Variants in SPATS2L observed in about 807,000 individuals in gnomAD.
SPATS2L encodes spermatogenesis associated serine rich 2 like.
A neutral mutation model predicts 59.6 loss-of-function variants in SPATS2L; 30 were observed. That is an observed-to-expected ratio of 0.50 (90% confidence interval 0.38 to 0.68). SPATS2L has a LOEUF of 0.68. SPATS2L is among the 30% of genes least tolerant of loss of function. The pLI, the probability that SPATS2L is intolerant of heterozygous loss-of-function variation, is 0.00. For missense variants in SPATS2L, 615 were observed against 700.0 expected (o/e 0.88, Z 1.37); for synonymous variants, 252 against 263.5 (o/e 0.96, Z 0.42).
In SPATS2L at chr2:200,440,797, A is replaced by G. The variant is rs1189350029; in HGVS notation, c.788+13A>G. The G allele has an allele frequency of 3.1e-6, 5 of 1,611,394 alleles. No individual in the cohort carries two copies. In the Middle Eastern group the frequency reaches 5.0e-4, roughly 160 times the overall value. The stretch of plus-strand genomic sequence containing the variant: ...AATTACACAACTGGTGAGTGATTCA[A>G]CGTAGGAACCATAAATTTGTGATGC... On this transcript the variant is annotated intron_variant, in intron 8 of 12. Transcript: ENST00000409140.
intron 1 of SPATS2L, among the ~76,000 whole-genome samples, chr2:200,319,396 A>G (rs1339550505): frequency 6.6e-6 from 1 of 151,866 alleles, no homozygotes; most frequent in African/African-American, 2.4e-5. Flanking sequence ...AAAACCCCGT[A>G]TCTACTAAAA....
At chr2:200,389,341 A>G (rs2082098655) in intron 3 of SPATS2L, 58 bp downstream of exon 3, 1 of 1,292,438 alleles carries the variant, frequency 7.7e-7, no homozygotes, top group Non-Finnish European at 1.1e-6. Context: ...TGCAGTTCCT[A>G]GCAGGTAAAA....
At chr2:200,468,629 T>C (rs770835906) in intron 10 of SPATS2L, among the ~76,000 whole-genome samples, 3 of 152,182 alleles carry the variant, frequency 2.0e-5, no homozygotes, top group Non-Finnish European at 4.4e-5. Flanking sequence ...CTCTGGCCTT[T>C]GTGGCCTCCC....
chr2:200,479,290 TA>T lies in SPATS2L; in HGVS notation c.*1261del. ...TTGTGGCAAAGGGCCACCATGCTCT[TA>T]AGACTCAAGTCTATTTTCCACACTG... On this transcript the variant is annotated 3_prime_UTR_variant, in exon 13 of 13. Coordinates refer to ENST00000409140, the MANE Select transcript of SPATS2L (RefSeq NM_001100423.2). 1 of 341,942 alleles carries T rather than the reference TA, an allele frequency of 2.9e-6. No homozygotes were observed. The highest frequency in any genetic ancestry group is 5.3e-6 in the Non-Finnish European group (1 of 190,454). 21.2% of individuals were successfully genotyped at this position (341,942 alleles called of 1,614,324 possible). A position where few individuals can be genotyped will look rare whatever the true frequency, so the allele number is the denominator to read the frequency against.
intron 2 of SPATS2L, among the ~76,000 whole-genome samples, chr2:200,339,606 A>G (rs1449004814): frequency 6.6e-6 from 1 of 152,194 alleles, no homozygotes; most frequent in Non-Finnish European, 1.5e-5. Context: ...TTTGCTTTTT[A>G]TGTATAGTAT....
chr2:200,327,915 C>A (rs1380078751), intron 1 of SPATS2L, among the ~76,000 whole-genome samples: 1 of 152,050 alleles, frequency 6.6e-6, no homozygotes, highest in African/African-American at 2.4e-5. Flanking sequence ...GTCAAAATAG[C>A]CATTGGTATA....
At chr2:200,320,342 T>C (rs1256314663) in intron 1 of SPATS2L, among the ~76,000 whole-genome samples, 1 of 152,222 alleles carries the variant, frequency 6.6e-6, no homozygotes, top group East Asian at 1.9e-4. Context: ...TTTTAATGTA[T>C]CTAAGAGAAA....
At chr2:200,424,061 T>A (rs2083422453) in intron 6 of SPATS2L, among the ~76,000 whole-genome samples, 3 of 152,202 alleles carry the variant, frequency 2.0e-5, no homozygotes, top group Admixed American at 1.3e-4. Context: ...TTTAGGAGTA[T>A]GTTTTAAGCC....
At chr2:200,335,722 A>G (rs1438557335) in intron 2 of SPATS2L, among the ~76,000 whole-genome samples, 1 of 152,200 alleles carries the variant, frequency 6.6e-6, no homozygotes, top group East Asian at 1.9e-4. Context: ...AAAGTGGGAT[A>G]TGCACCCCAG....
At chr2:200,430,545 C>T (rs767393933) in intron 6 of SPATS2L, among the ~76,000 whole-genome samples, 9 of 151,764 alleles carry the variant, frequency 5.9e-5, no homozygotes, top group Non-Finnish European at 1.3e-4. Context: ...TGATATTAAA[C>T]GGCCTGTGAA....
rs921969862 is a variant in SPATS2L, at chr2:200,479,223, C to T, written c.*1192C>T. ...CGGCCAGCTCCCATCTCTTAATTAT[C>T]TTAGCTCTCCTTTCCTCCTTGGGTT... is the stretch of plus-strand genomic sequence containing the variant. On this transcript the variant is annotated 3_prime_UTR_variant, in exon 13 of 13. Transcript: ENST00000409140. The T allele has an allele frequency of 2.3e-5, 5 of 222,110 alleles. No individual in the cohort carries two copies. The highest frequency in any genetic ancestry group is 4.4e-5 in the Non-Finnish European group (5 of 113,912). 13.8% of individuals were successfully genotyped at this position (222,110 alleles called of 1,614,324 possible).
At chr2:200,335,930 G>T (rs1286597130) in intron 2 of SPATS2L, among the ~76,000 whole-genome samples, 1 of 152,198 alleles carries the variant, frequency 6.6e-6, no homozygotes, top group Non-Finnish European at 1.5e-5. Flanking sequence ...GAATGGGAGT[G>T]CCCAGCTCAG....
At chr2:200,428,696 T>G (rs994331119) in intron 6 of SPATS2L, among the ~76,000 whole-genome samples, 7 of 152,164 alleles carry the variant, frequency 4.6e-5, no homozygotes, top group African/African-American at 1.7e-4. Flanking sequence ...ACTCATCATC[T>G]CCCTTCCCAG....
At position 200,420,416 on chromosome 2, in the gene SPATS2L, T is replaced by C. The variant is rs138445913; in HGVS notation, c.445+920T>C. 4.0e-4 allele frequency among the ~76,000 whole-genome samples: 61 copies of C among 150,848 alleles called. 1 individual carries two copies. The East Asian group carries it at 0.011, about 26-fold the overall frequency. On this transcript the variant is annotated intron_variant, in intron 6 of 12. Coordinates refer to ENST00000409140, the MANE Select transcript of SPATS2L (RefSeq NM_001100423.2). ...GAGGCCAGATTTTTACACCCACTTA[T>C]AATGAATCACTTTGCAATTAAATGA...
At chr2:200,408,063 G>T (rs540338446) in intron 3 of SPATS2L, among the ~76,000 whole-genome samples, 1 of 152,296 alleles carries the variant, frequency 6.6e-6, no homozygotes, top group African/African-American at 2.4e-5. Context: ...AGCTATAAAG[G>T]AAAAGGGGCT....
At chr2:200,452,436 A>T (rs1047289770) in intron 8 of SPATS2L, among the ~76,000 whole-genome samples, 1 of 152,202 alleles carries the variant, frequency 6.6e-6, no homozygotes, top group Non-Finnish European at 1.5e-5. Context: ...AATATTACTA[A>T]TGTTGAGAGT....
At chr2:200,316,935 G>A (rs572418229) in intron 1 of SPATS2L, among the ~76,000 whole-genome samples, 48 of 152,274 alleles carry the variant, frequency 3.2e-4, no homozygotes, top group African/African-American at 1.1e-3. Context: ...AGTCCCGCTG[G>A]TCTCTGAGTC....
chr2:200,451,860 A>C (rs1425491537), intron 8 of SPATS2L, among the ~76,000 whole-genome samples: 4 of 150,878 alleles, frequency 2.7e-5, no homozygotes, highest in African/African-American at 9.7e-5. Flanking sequence ...GAAATACAAC[A>C]GTGATCAGAG....
chr2:200,430,773 A>G (rs1398989792), intron 6 of SPATS2L, among the ~76,000 whole-genome samples: 1 of 140,958 alleles, frequency 7.1e-6, no homozygotes, highest in Non-Finnish European at 1.5e-5. Context: ...GCTAGAGTGC[A>G]GTGACATGAT....
Sources: allele counts gnomAD v4.1 joint callset (sites outside exome capture counted in the v4.1 genomes callset), GRCh38; gene constraint gnomAD v4.1.1; transcripts MANE v1.5; gene names NCBI Gene and HGNC (gene_info 2026-07-23, HGNC 2026-07-21).